NRF1: variants seen among roughly 807,000 people sequenced by gnomAD.
The protein encoded by NRF1 is alpha palindromic-binding protein.
In NRF1, 5 loss-of-function variants were observed where a neutral mutation model predicts 58.5. The ratio of observed to expected loss-of-function variants is 0.09; its 90% CI spans 0.04 to 0.18. The LOEUF is 0.18. Ranked by LOEUF, NRF1 falls within the 10% of genes least tolerant of loss-of-function variation. The pLI is 1.00. For missense variants in NRF1, 288 were observed against 657.7 expected (o/e 0.44, Z 6.15); for synonymous variants, 224 against 246.7 (o/e 0.91, Z 0.86).
intron 4 of NRF1, among the ~76,000 whole-genome samples, chr7:129,689,302 G>A (rs1802511135): frequency 6.6e-6 from 1 of 152,164 alleles, no homozygotes; most frequent in Non-Finnish European, 1.5e-5. Flanking sequence ...TTATAAGGAA[G>A]TGTATAGAGT....
chr7:129,718,737 A>G (rs1803247429), intron 9 of NRF1, among the ~76,000 whole-genome samples: 1 of 152,156 alleles, frequency 6.6e-6, no homozygotes. Context: ...GCTGTGATGG[A>G]TTTGTATACA....
chr7:129,748,042 G>A (rs1364999182), intron 10 of NRF1, among the ~76,000 whole-genome samples: 2 of 152,072 alleles, frequency 1.3e-5, no homozygotes, highest in Non-Finnish European at 2.9e-5. Flanking sequence ...TTGGGAGGCC[G>A]AGGCAGGTGA....
chr7:129,691,515 T>C lies in NRF1; in HGVS notation c.606+969T>C, dbSNP rs558479733. On this transcript the variant is annotated intron_variant, in intron 5 of 10. Transcript: ENST00000393232. ...GATTATAGGTGCGGGCTACCACACC[T>C]GGCTAATTTTTGTTTTTTTAGTAGA... Among the ~76,000 whole-genome samples, 17 of 151,856 alleles carry C rather than the reference T, an allele frequency of 1.1e-4. No individual in the cohort carries two copies. The South Asian group carries it at 3.3e-3, about 30-fold the overall frequency.
At chr7:129,640,255 G>T (rs1324169458) in intron 1 of NRF1, among the ~76,000 whole-genome samples, 2 of 152,184 alleles carry the variant, frequency 1.3e-5, no homozygotes, top group African/African-American at 4.8e-5. Flanking sequence ...TGTGGTTCAT[G>T]CCTGTAATCC....
rs142185280 is a variant in NRF1 at position 129,631,599 on chromosome 7, G to A, written c.-7+19775G>A. On this transcript the variant is annotated intron_variant, in intron 1 of 10. Coordinates refer to ENST00000393232, the MANE Select transcript of NRF1 (RefSeq NM_005011.5). ...TGATTTTCAGGGAGAAGCCTATTCA[G>A]TGTTTCCTTGGACTTCCTCAGCCTG... Among the ~76,000 whole-genome samples the A allele has an allele frequency of 6.6e-3, 1,009 of 152,184 alleles. 10 individuals carry two copies. The highest frequency in any genetic ancestry group is 0.023 in the African/African-American group (958 of 41,514).
chr7:129,693,392 G>A (rs2151094229), intron 5 of NRF1, among the ~76,000 whole-genome samples: 1 of 152,298 alleles, frequency 6.6e-6, no homozygotes, highest in Non-Finnish European at 1.5e-5. Flanking sequence ...ACACTGGAAG[G>A]ATCTCTAAAT....
rs530078684 is a variant in NRF1 at position 129,756,215 on chromosome 7, T to C, written c.*1034T>C. 1 of 152,312 alleles carries C rather than the reference T, an allele frequency of 6.6e-6. No homozygotes were observed. Among genetic ancestry groups the C allele is most frequent in the Admixed American group, 6.5e-5 (1 of 15,282 alleles). 9.4% of individuals were successfully genotyped at this position (152,312 alleles called of 1,614,324 possible). On this transcript the variant is annotated 3_prime_UTR_variant, in exon 11 of 11. Transcript: ENST00000393232. ...CACCCGTGGGAGCAATTTTCTCTAC[T>C]GTCTGTAGCTTCACAGAGGAGGCGC... is the stretch of plus-strand genomic sequence containing the variant.
intron 1 of NRF1, among the ~76,000 whole-genome samples, chr7:129,632,091 A>T (rs1373958998): frequency 1.3e-5 from 2 of 152,168 alleles, no homozygotes; most frequent in African/African-American, 4.8e-5. Context: ...ACTGGGCAAC[A>T]TAATAAGACT....
intron 10 of NRF1, among the ~76,000 whole-genome samples, chr7:129,747,108 C>G (rs1036569393): frequency 1.3e-5 from 2 of 152,094 alleles, no homozygotes; most frequent in African/African-American, 4.8e-5. Context: ...CTCTGCCTGG[C>G]TCAAGTCTGT....
chr7:129,664,640 G>T (rs1254875104), intron 2 of NRF1, among the ~76,000 whole-genome samples: 1 of 152,216 alleles, frequency 6.6e-6, no homozygotes, highest in Non-Finnish European at 1.5e-5. Flanking sequence ...TTCTATGAAG[G>T]AAGATGGTTT....
At chr7:129,746,696 C>G (rs1326042356) in intron 10 of NRF1, among the ~76,000 whole-genome samples, 1 of 152,178 alleles carries the variant, frequency 6.6e-6, no homozygotes, top group South Asian at 2.1e-4. Context: ...ATCATGGTCC[C>G]GGTTCCCATT....
At chr7:129,652,116 A>G (rs1801550319) in intron 1 of NRF1, among the ~76,000 whole-genome samples, 1 of 152,236 alleles carries the variant, frequency 6.6e-6, no homozygotes, top group African/African-American at 2.4e-5. Context: ...TCAGAGGAAC[A>G]AAGGATTTTA....
chr7:129,620,239 G>C (rs1157640409), intron 1 of NRF1, among the ~76,000 whole-genome samples: 4 of 152,108 alleles, frequency 2.6e-5, no homozygotes, highest in Admixed American at 2.6e-4. Flanking sequence ...GAAGGTAGGA[G>C]GAATGCCAAA....
chr7:129,700,685 A>T (rs1159549347), intron 5 of NRF1, among the ~76,000 whole-genome samples: 1 of 152,200 alleles, frequency 6.6e-6, no homozygotes, highest in South Asian at 2.1e-4. Flanking sequence ...TGGGAGGTCG[A>T]GGTAGGCGGA....
chr7:129,744,272 G>C (rs1476965347), intron 10 of NRF1: 11 of 1,506,264 alleles, frequency 7.3e-6, no homozygotes, highest in Middle Eastern at 1.7e-4. Context: ...CTGGAGGATA[G>C]AGTCACTGTG....
chr7:129,738,557 C>A (rs62489332), intron 10 of NRF1, among the ~76,000 whole-genome samples: 5 of 152,144 alleles, frequency 3.3e-5, no homozygotes. Flanking sequence ...CCATTTCAGT[C>A]GGCTGTAATT....
intron 5 of NRF1, among the ~76,000 whole-genome samples, chr7:129,694,986 G>GA (rs1210257980): frequency 1.3e-5 from 2 of 152,128 alleles, no homozygotes; most frequent in African/African-American, 4.8e-5. Flanking sequence ...ATAGGAAGAC[G>GA]AGCAGCATAG....
rs1458138886 is a variant in NRF1 at position 129,647,459 on chromosome 7, G to A, written c.-6-9887G>A. 3.4e-5 allele frequency among the ~76,000 whole-genome samples: 5 copies of A among 148,964 alleles called. No individual in the cohort carries two copies. The East Asian group carries it at 9.8e-4, about 29-fold the overall frequency. On this transcript the variant is annotated intron_variant, in intron 1 of 10. Transcript: ENST00000393232. ...GCTGTGTTGCCCAGGCTGGAGTGCAGTGGTGCGATCTTTGCTCACTGCAAC... is the reference window on the plus strand; with the variant it reads ...GCTGTGTTGCCCAGGCTGGAGTGCAATGGTGCGATCTTTGCTCACTGCAAC...
At chr7:129,711,917 C>T (rs1011368239) in intron 8 of NRF1, among the ~76,000 whole-genome samples, 5 of 152,050 alleles carry the variant, frequency 3.3e-5, no homozygotes, top group Admixed American at 1.3e-4. Context: ...AAAAATGTCA[C>T]ATTAAAACTG....
Sources: allele counts gnomAD v4.1 joint callset (sites outside exome capture counted in the v4.1 genomes callset), GRCh38; gene constraint gnomAD v4.1.1; transcripts MANE v1.5; gene names NCBI Gene and HGNC (gene_info 2026-07-23, HGNC 2026-07-21).